Variants in MAP2K4 observed in about 807,000 individuals in gnomAD.
The protein encoded by MAP2K4 is mitogen-activated protein kinase kinase 4, also known as dual specificity mitogen-activated protein kinase kinase 4.
In MAP2K4, 4 loss-of-function variants were observed where a neutral mutation model predicts 48.5. The ratio of observed to expected loss-of-function variants is 0.08; its 90% CI spans 0.04 to 0.19. The LOEUF is 0.19. Ranked by LOEUF, MAP2K4 falls within the 10% of genes least tolerant of loss-of-function variation. The pLI is 1.00. For synonymous variants in MAP2K4, 166 were observed against 173.1 expected (o/e 0.96, Z 0.32); for missense variants, 258 against 493.3 (o/e 0.52, Z 4.52).
At chr17:12,064,237 C>G (rs779394256) in intron 2 of MAP2K4, among the ~76,000 whole-genome samples, 28 of 152,100 alleles carry the variant, frequency 1.8e-4, no homozygotes, top group Admixed American at 1.0e-3. Context: ...CACATTACAT[C>G]ACACCCGACT....
At chr17:12,108,429 C>T (rs894443518) in intron 5 of MAP2K4, among the ~76,000 whole-genome samples, 3 of 151,958 alleles carry the variant, frequency 2.0e-5, no homozygotes, top group Non-Finnish European at 2.9e-5. Context: ...GTTTCAGGGG[C>T]CAGTGTTACT....
At chr17:12,054,693 GTAGT>G (rs1437410956) in intron 1 of MAP2K4, among the ~76,000 whole-genome samples, 192 bp from the exon 2 acceptor site, 2 of 152,078 alleles carry the variant, frequency 1.3e-5, no homozygotes, top group African/African-American at 4.8e-5. Flanking sequence ...TGAATGATTT[GTAGT>G]TAGTAACAAC....
intron 9 of MAP2K4, among the ~76,000 whole-genome samples, chr17:12,132,984 C>G (rs1973080588): frequency 6.6e-6 from 1 of 152,116 alleles, no homozygotes; most frequent in Non-Finnish European, 1.5e-5. Flanking sequence ...TATAGAAATT[C>G]TAGTTACTTA....
chr17:12,142,124 AGG>A lies in MAP2K4; in HGVS notation c.*865_*866del, dbSNP rs1973394520. On this transcript the variant is annotated 3_prime_UTR_variant, in exon 11 of 11. Coordinates refer to ENST00000353533, the MANE Select transcript of MAP2K4 (RefSeq NM_003010.4). ...GACTGAAAGAAGAAAACAGTACAGA[AGG>A]CAAAGTTTACAGATGTTTTTAATTC... The A allele has an allele frequency of 4.3e-6, 1 of 233,438 alleles. No individual in the cohort carries two copies. Among genetic ancestry groups the A allele is most frequent in the Admixed American group, 5.6e-5 (1 of 17,772 alleles). The allele number at this position is 233,438 out of a possible 1,614,324, so 14.5% of individuals were successfully genotyped here.
chr17:12,095,522 GTTTTTGACAAAATTATTGTGTT>G, intron 3 of MAP2K4, 31 bp from the exon 4 acceptor site: 1 of 1,608,960 alleles, frequency 6.2e-7, no homozygotes, highest in Non-Finnish European at 8.5e-7. Flanking sequence ...AATTATTGGT[GTTTTTGACAAAATTATTGTGTT>G]TTTTTGACAT....
chr17:12,118,328 T>G (rs1972568026), intron 7 of MAP2K4, among the ~76,000 whole-genome samples: 1 of 152,132 alleles, frequency 6.6e-6, no homozygotes, highest in Non-Finnish European at 1.5e-5. Flanking sequence ...TGTGACGGGA[T>G]GTATTAATGC....
intron 2 of MAP2K4, among the ~76,000 whole-genome samples, chr17:12,068,898 T>C (rs1970700877): frequency 6.6e-6 from 1 of 152,092 alleles, no homozygotes; most frequent in South Asian, 2.1e-4. Flanking sequence ...AGTTGAAAAT[T>C]GCTGCCATAT....
intron 1 of MAP2K4, among the ~76,000 whole-genome samples, chr17:12,039,412 T>A (rs1037555729): frequency 1.3e-5 from 2 of 152,184 alleles, no homozygotes; most frequent in African/African-American, 4.8e-5. Context: ...ATTTCAAACA[T>A]ACACAAAAAT....
At chr17:12,095,374 A>G (rs764437874) in intron 3 of MAP2K4, 31 of 609,400 alleles carry the variant, frequency 5.1e-5, no homozygotes, top group Non-Finnish European at 8.5e-5. Context: ...AAGGATTTCT[A>G]AGTGCTGTTT....
intron 2 of MAP2K4, among the ~76,000 whole-genome samples, chr17:12,080,194 C>CTACT (rs2151547498): frequency 1.3e-5 from 2 of 152,202 alleles, no homozygotes; most frequent in East Asian, 3.9e-4. Flanking sequence ...GAAAACCATT[C>CTACT]TACTAATTGG....
At chr17:12,122,706 A>C (rs916444814) in intron 7 of MAP2K4, among the ~76,000 whole-genome samples, 7 of 152,186 alleles carry the variant, frequency 4.6e-5, no homozygotes, top group African/African-American at 1.4e-4. Flanking sequence ...TATTTGCCTT[A>C]TGCCCAATAT....
chr17:12,102,866 G>A (rs1206719754), intron 4 of MAP2K4, among the ~76,000 whole-genome samples: 1 of 151,700 alleles, frequency 6.6e-6, no homozygotes, highest in Non-Finnish European at 1.5e-5. Flanking sequence ...TCTGTAGTGT[G>A]TTACTTCTGT....
At chr17:12,036,009 G>C (rs902980115) in intron 1 of MAP2K4, among the ~76,000 whole-genome samples, 1 of 152,068 alleles carries the variant, frequency 6.6e-6, no homozygotes, top group Middle Eastern at 3.2e-3. Context: ...CACAAATAGC[G>C]ATTACATATT....
chr17:12,083,030 A>G (rs1448532714), intron 3 of MAP2K4, among the ~76,000 whole-genome samples: 2 of 152,206 alleles, frequency 1.3e-5, no homozygotes, highest in Non-Finnish European at 2.9e-5. Context: ...TCTTAAGGGA[A>G]AGGTTTCCTA....
intron 9 of MAP2K4, among the ~76,000 whole-genome samples, chr17:12,139,347 T>A (rs1334846956): frequency 6.6e-6 from 1 of 152,206 alleles, no homozygotes; most frequent in East Asian, 1.9e-4. Flanking sequence ...AAAGAACATA[T>A]TGAGATACAG....
At chr17:12,074,172 A>G (rs549734160) in intron 2 of MAP2K4, among the ~76,000 whole-genome samples, 18 of 152,078 alleles carry the variant, frequency 1.2e-4, no homozygotes, top group African/African-American at 3.4e-4. Context: ...TTTTTTTAAT[A>G]TATGGAACGT....
intron 7 of MAP2K4, among the ~76,000 whole-genome samples, chr17:12,114,259 G>GT (rs1284407722): frequency 1.3e-5 from 2 of 152,132 alleles, no homozygotes; most frequent in Admixed American, 1.3e-4. Flanking sequence ...TATTATAGGT[G>GT]TTCTAGATTA....
At chr17:12,042,920 G>T (rs1341682079) in intron 1 of MAP2K4, among the ~76,000 whole-genome samples, 2 of 152,000 alleles carry the variant, frequency 1.3e-5, no homozygotes, top group South Asian at 2.1e-4. Flanking sequence ...AGTGGCGGGG[G>T]CCTGTAGTCC....
intron 9 of MAP2K4, 70 bp from the exon 10 acceptor site, chr17:12,139,769 A>G (rs1479495491): frequency 2.8e-6 from 3 of 1,074,626 alleles, no homozygotes; most frequent in East Asian, 2.4e-5. Context: ...GTAATATTTC[A>G]TCTGTGAAAA....
Sources: gnomAD v4.1 joint callset for allele counts (sites outside exome capture counted in the v4.1 genomes callset) on GRCh38, gnomAD v4.1.1 for gene constraint, MANE v1.5 for transcripts, NCBI Gene and HGNC (gene_info 2026-07-23, HGNC 2026-07-21) for gene names.